The following PAM variants were observed in gnomAD, a reference collection of about 807,000 sequenced individuals.
PAM encodes the protein peptidylglycine alpha-amidating monooxygenase.
Under a neutral mutation model 122.1 loss-of-function variants are expected in PAM, and 72 were observed. The observed-to-expected ratio is 0.59, with a 90% CI of 0.49 to 0.72. The LOEUF is 0.72. Among genes scored for constraint, PAM ranks in the 30% least tolerant of loss-of-function variants. The pLI, the probability that PAM is intolerant of heterozygous loss-of-function variation, is 0.00. For missense variants in PAM, 1,106 were observed against 1,183.7 expected (o/e 0.93, Z 0.96); for synonymous variants, 389 against 404.4 (o/e 0.96, Z 0.46).
intron 1 of PAM, among the ~76,000 whole-genome samples, chr5:102,762,742 G>T (rs935178728): frequency 3.9e-5 from 6 of 152,196 alleles, no homozygotes; most frequent in African/African-American, 1.4e-4. Flanking sequence ...GCTTTCTGGT[G>T]TGTACATTTT....
rs1202629396 is a variant in PAM, at chr5:102,959,961, A to T, written c.992A>T (p.Gln331Leu). Residue 331 changes from glutamine to leucine, a missense_variant, in exon 13 of 26, where the codon CAG becomes CTG. By Grantham distance (113) the Gln-to-Leu change is moderately radical. This residue lies in a region of PAM where 670 missense variants were observed against 690.3 expected (regional missense o/e 0.97). Coordinates refer to ENST00000438793, the MANE Select transcript of PAM (RefSeq NM_001177306.2). ...GCAGTTTCTTTCATGACCTGTACCC[A>T]GAATGTAGCTCCAGATATGTTCAGA... ...KHAVSFMTCT[Q>L]NVAPDMFRTI... The T allele has an allele frequency of 1.9e-6, 3 of 1,611,940 alleles. No homozygotes were observed. Among genetic ancestry groups the T allele is most frequent in the Middle Eastern group, 3.3e-4 (2 of 6,054 alleles).
At chr5:103,015,653 A>C (rs1183961787) in intron 21 of PAM, among the ~76,000 whole-genome samples, 2 of 152,192 alleles carry the variant, frequency 1.3e-5, no homozygotes, top group Non-Finnish European at 2.9e-5. Flanking sequence ...ATGAGCAAGA[A>C]GACAGAGTCC....
At chr5:102,926,543 G>T (rs1169810815) in intron 6 of PAM, 42 bp from the exon 7 acceptor site, 1 of 1,078,094 alleles carries the variant, frequency 9.3e-7, no homozygotes, top group South Asian at 1.3e-5. Context: ...CTCCATTTTA[G>T]ATGCTCATTT....
chr5:102,942,736 ATTTTTT>A (rs754559996), intron 7 of PAM, among the ~76,000 whole-genome samples: 1 of 138,472 alleles, frequency 7.2e-6, no homozygotes, highest in African/African-American at 2.7e-5. Flanking sequence ...TGCCCGGCTA[ATTTTTT>A]TTTTTTTTTG....
intron 3 of PAM, among the ~76,000 whole-genome samples, chr5:102,879,906 G>C (rs977008115): frequency 6.6e-6 from 1 of 152,158 alleles, no homozygotes; most frequent in African/African-American, 2.4e-5. Context: ...ATATCATCTA[G>C]GTTTGTGTAA....
intron 3 of PAM, among the ~76,000 whole-genome samples, chr5:102,878,537 C>G (rs1295387254): frequency 6.6e-6 from 1 of 152,042 alleles, no homozygotes; most frequent in South Asian, 2.1e-4. Context: ...GAGCCTCCAG[C>G]AGGTCCTTCA....
At chr5:103,019,067 C>A (rs1017288176) in intron 22 of PAM, among the ~76,000 whole-genome samples, 3 of 152,110 alleles carry the variant, frequency 2.0e-5, no homozygotes, top group African/African-American at 7.2e-5. Flanking sequence ...GGCCATGGCC[C>A]GGGATTTGGG....
chr5:102,948,196 T>G (rs1376471062), intron 8 of PAM, among the ~76,000 whole-genome samples, 182 bp from the exon 9 acceptor site: 1 of 152,118 alleles, frequency 6.6e-6, no homozygotes. Flanking sequence ...CAGGAACCAT[T>G]TAGAGTCTGC....
intron 24 of PAM, 40 bp downstream of exon 24, chr5:103,025,374 G>C (rs1270249212): frequency 6.6e-7 from 1 of 1,512,826 alleles, no homozygotes. Flanking sequence ...ACCTGCCTTT[G>C]AAAGAGTGTT....
intron 1 of PAM, among the ~76,000 whole-genome samples, chr5:102,836,054 G>A (rs1363994423): frequency 6.6e-6 from 1 of 152,056 alleles, no homozygotes; most frequent in Admixed American, 6.5e-5. Flanking sequence ...TTGAATTTTT[G>A]AACATAGTAG....
At chr5:102,935,840 G>C (rs764831676) in intron 7 of PAM, among the ~76,000 whole-genome samples, 5 of 152,096 alleles carry the variant, frequency 3.3e-5, no homozygotes, top group African/African-American at 4.8e-5. Flanking sequence ...AGGACCGTCT[G>C]CACCAGACTG....
chr5:102,888,885 C>T (rs1387234980), intron 3 of PAM, among the ~76,000 whole-genome samples: 1 of 151,806 alleles, frequency 6.6e-6, no homozygotes, highest in Non-Finnish European at 1.5e-5. Flanking sequence ...CACATGAACA[C>T]TTGGCACCAT....
At chr5:102,796,396 G>C (rs1264185603) in intron 1 of PAM, among the ~76,000 whole-genome samples, 1 of 152,108 alleles carries the variant, frequency 6.6e-6, no homozygotes, top group African/African-American at 2.4e-5. Flanking sequence ...CCCAGAGTTT[G>C]GGCAATGAGA....
At chr5:102,827,573 C>T (rs1337567966) in intron 1 of PAM, among the ~76,000 whole-genome samples, 1 of 151,642 alleles carries the variant, frequency 6.6e-6, no homozygotes, top group African/African-American at 2.4e-5. Context: ...TTGAAATATT[C>T]CAAGTCTGTT....
chr5:102,804,586 C>T (rs1388059947), intron 1 of PAM, among the ~76,000 whole-genome samples: 1 of 152,160 alleles, frequency 6.6e-6, no homozygotes, highest in Admixed American at 6.5e-5. Context: ...AATAAAGTCC[C>T]ACATCCCACT....
intron 16 of PAM, among the ~76,000 whole-genome samples, chr5:103,001,473 C>T (rs963443755): frequency 1.3e-5 from 2 of 151,834 alleles, no homozygotes; most frequent in Non-Finnish European, 2.9e-5. Context: ...TTATTTTTTT[C>T]TAGATACCAC....
rs755806888 is a variant in PAM, at chr5:102,866,223, G to C, written c.28G>C (p.Val10Leu). The stretch of plus-strand genomic sequence containing the variant: ...GGCTGGCCGCGTCCCTAGCCTGCTA[G>C]TTCTCCTTGTTTTTCCAAGCAGCTG... MAGRVPSLLVLLVFPSSCLA... is the reference protein window; with the variant it reads MAGRVPSLLLLLVFPSSCLA... Residue 10 changes from valine (V) to leucine (L), a missense_variant, in exon 2 of 26, where the codon GTT (valine) becomes CTT (leucine). Val to Leu is a conservative substitution (Grantham distance 32, BLOSUM62 1). Around this residue, in one of 3 missense-constraint regions of PAM, gnomAD observed 670 missense variants for 690.3 expected, o/e 0.97. Coordinates refer to ENST00000438793, the MANE Select transcript of PAM (RefSeq NM_001177306.2). The C allele has an allele frequency of 4.4e-5, 71 of 1,613,714 alleles. No individual in the cohort carries two copies. The East Asian group carries it at 1.3e-3, about 29-fold the overall frequency.
chr5:102,786,322 A>G (rs1760523085), intron 1 of PAM, among the ~76,000 whole-genome samples: 1 of 152,232 alleles, frequency 6.6e-6, no homozygotes, highest in South Asian at 2.1e-4. Context: ...AGAAATTAGT[A>G]TTATTCATCT....
chr5:102,875,275 C>T (rs1349549192), intron 3 of PAM, among the ~76,000 whole-genome samples: 1 of 152,004 alleles, frequency 6.6e-6, no homozygotes, highest in African/African-American at 2.4e-5. Context: ...TCACTGCTAC[C>T]TCAACCTCCT....
Sources: gnomAD v4.1 joint callset for allele counts (sites outside exome capture counted in the v4.1 genomes callset) on GRCh38, gnomAD v4.1.1 for gene constraint, gnomAD v4.1.1 regional missense constraint, MANE v1.5 for transcripts, NCBI Gene and HGNC (gene_info 2026-07-23, HGNC 2026-07-21) for gene names.